Variants in G3BP1 observed in about 807,000 individuals in gnomAD.
The protein encoded by G3BP1 is G3BP stress granule assembly factor 1.
In G3BP1, 35 loss-of-function variants were observed where a neutral mutation model predicts 58.6. The ratio of observed to expected loss-of-function variants is 0.60; its 90% CI spans 0.46 to 0.79. The LOEUF (loss-of-function observed/expected upper bound fraction) is 0.79, where lower values mean the gene tolerates loss of function less well. G3BP1 is among the 30% of genes least tolerant of loss of function. G3BP1 has a pLI of 0.00. For missense variants in G3BP1, 523 were observed against 580.8 expected, an observed-to-expected ratio of 0.90 and a Z score of 1.02; for synonymous variants, 191 against 195.4, an observed-to-expected ratio of 0.98 and a Z score of 0.19.
intron 6 of G3BP1, 123 bp downstream of exon 6, chr5:151,795,698 A>G (rs1278080127): frequency 3.6e-6 from 2 of 553,958 alleles, no homozygotes; most frequent in African/African-American, 1.9e-5. Context: ...TCTCAGAAGA[A>G]TGGTTTTGTT....
chr5:151,793,348 A>G (rs1271554818), intron 4 of G3BP1, among the ~76,000 whole-genome samples: 1 of 152,042 alleles, frequency 6.6e-6, no homozygotes, highest in African/African-American at 2.4e-5. Context: ...ACCTTAGGTG[A>G]TCTGCCTGCC....
At position 151,807,817 on chromosome 5, in the gene G3BP1, A is replaced by G. The variant is rs1762960248; in HGVS notation, c.*3726A>G. On this transcript the variant is annotated 3_prime_UTR_variant, in exon 12 of 12. Transcript: ENST00000356245. ...CAGGTAACCTTTTTGAAGAGCTTAGATTTGTAGACCACTGTTTATGCTGAG... is the reference window on the plus strand; with the variant it reads ...CAGGTAACCTTTTTGAAGAGCTTAGGTTTGTAGACCACTGTTTATGCTGAG... 1 of 152,192 alleles carries G rather than the reference A, an allele frequency of 6.6e-6. No homozygotes were observed. Among genetic ancestry groups the G allele is most frequent in the East Asian group, 1.9e-4 (1 of 5,194 alleles). The allele number at this position is 152,192 out of a possible 1,614,324, so 9.4% of individuals were successfully genotyped here. A position where few individuals can be genotyped will look rare whatever the true frequency, so the allele number is the denominator to read the frequency against.
chr5:151,795,577 TAAG>T lies in G3BP1; in HGVS notation c.539+7_539+9del, dbSNP rs1762735634. On this transcript the variant is annotated splice_donor_5th_base_variant and intron_variant, in intron 6 of 11. Transcript: ENST00000356245. ...TTTCTATGATCAGGCAGTTGTCAGGTAAGAAGATTTTGTTCACATGTCCGGGGC... is the reference window on the plus strand; with the variant it reads ...TTTCTATGATCAGGCAGTTGTCAGGTAAGATTTTGTTCACATGTCCGGGGC... 7 of 1,538,640 alleles carry T rather than the reference TAAG, an allele frequency of 4.5e-6. No individual in the cohort carries two copies. The highest frequency in any genetic ancestry group is 5.4e-6 in the Non-Finnish European group (6 of 1,112,694).
intron 7 of G3BP1, among the ~76,000 whole-genome samples, chr5:151,798,250 T>G (rs1229854287): frequency 6.6e-6 from 1 of 152,114 alleles, no homozygotes; most frequent in Non-Finnish European, 1.5e-5. Context: ...CTTGGGAGGC[T>G]GAGGTAGGAG....
At chr5:151,779,025 G>A (rs1301300777) in intron 1 of G3BP1, among the ~76,000 whole-genome samples, 3 of 151,840 alleles carry the variant, frequency 2.0e-5, no homozygotes, top group Non-Finnish European at 2.9e-5. Flanking sequence ...TCCAGCCTGG[G>A]CGACAGTGGA....
At position 151,791,774 on chromosome 5, in the gene G3BP1, A is replaced by G. The variant is rs565686966; in HGVS notation, c.351+712A>G. ...TGGTTTCAGGCTGTCCTCCTGACTC[A>G]GCCTCCCGAGTAGCTGGGACTATAG... On this transcript the variant is annotated intron_variant, in intron 4 of 11. Coordinates refer to ENST00000356245, the MANE Select transcript of G3BP1 (RefSeq NM_005754.3). The G allele has an allele frequency of 5.7e-5, 11 of 194,584 alleles. No homozygotes were observed. In the South Asian group the frequency reaches 9.0e-4, roughly 16 times the overall value. The allele number at this position is 194,584 out of a possible 1,614,324, so 12.1% of individuals were successfully genotyped here.
rs1243528417 is a variant in G3BP1 at position 151,807,920 on chromosome 5, T to C, written c.*3829T>C. ...TATTGCAGTTTTCTTTTTGTGCTAC[T>C]TAAAGGAATCTTTGCAATGCTGCAT... is the stretch of plus-strand genomic sequence containing the variant. On this transcript the variant is annotated 3_prime_UTR_variant, in exon 12 of 12. Transcript: ENST00000356245. The C allele has an allele frequency of 6.6e-6, 1 of 152,240 alleles. No individual in the cohort carries two copies. The highest frequency in any genetic ancestry group is 1.5e-5 in the Non-Finnish European group (1 of 68,034). The allele number at this position is 152,240 out of a possible 1,614,324, so 9.4% of individuals were successfully genotyped here. A position where few individuals can be genotyped will look rare whatever the true frequency, so the allele number is the denominator to read the frequency against.
intron 3 of G3BP1, 85 bp from the exon 4 acceptor site, chr5:151,790,804 T>C: frequency 1.3e-6 from 1 of 746,460 alleles, no homozygotes; most frequent in Non-Finnish European, 2.2e-6. Flanking sequence ...CTTTGTGTTG[T>C]GTTGGAAGGT....
intron 1 of G3BP1, among the ~76,000 whole-genome samples, chr5:151,782,169 G>A (rs187012242): frequency 6.6e-6 from 1 of 152,134 alleles, no homozygotes; most frequent in East Asian, 1.9e-4. Context: ...TTACTGTTAG[G>A]CACTTAATTG....
chr5:151,790,192 C>T, intron 2 of G3BP1, 131 bp from the exon 3 acceptor site: 1 of 467,386 alleles, frequency 2.1e-6, no homozygotes, highest in Non-Finnish European at 3.9e-6. Context: ...GATTGCATCA[C>T]TGCACTCCAG....
At chr5:151,787,598 T>C (rs1762573173) in intron 2 of G3BP1, among the ~76,000 whole-genome samples, 1 of 152,356 alleles carries the variant, frequency 6.6e-6, no homozygotes, top group Admixed American at 6.5e-5. Context: ...TGTAGTGTAC[T>C]TTAATCTCCT....
intron 4 of G3BP1, among the ~76,000 whole-genome samples, chr5:151,792,499 TAC>T (rs1256377003): frequency 1.3e-5 from 2 of 152,214 alleles, no homozygotes; most frequent in Non-Finnish European, 2.9e-5. Flanking sequence ...CAGGTTTAAT[TAC>T]AGTTTTTTTC....
Position 151,811,693 on chromosome 5 carries a change from G to A in G3BP1, c.*7602G>A, listed in dbSNP as rs1763021254. 1 of 152,026 alleles carries A rather than the reference G, an allele frequency of 6.6e-6. No individual in the cohort carries two copies. The highest frequency in any genetic ancestry group is 1.5e-5 in the Non-Finnish European group (1 of 68,004). 9.4% of individuals were successfully genotyped at this position (152,026 alleles called of 1,614,324 possible). ...TTGTGACTTCATGCAAAAAAAGGGG[G>A]GAAGAGTAAGGGGCAAAAGGGAATT... On this transcript the variant is annotated 3_prime_UTR_variant, in exon 12 of 12. Transcript: ENST00000356245.
At chr5:151,790,251 G>C in intron 2 of G3BP1, 72 bp from the exon 3 acceptor site, 1 of 683,618 alleles carries the variant, frequency 1.5e-6, no homozygotes. Context: ...AAAAAAGTTT[G>C]CCAGTATCAG....
chr5:151,787,500 A>G (rs1400145679), intron 2 of G3BP1: 1 of 152,306 alleles, frequency 6.6e-6, no homozygotes, highest in African/African-American at 2.4e-5. Context: ...ATACTGTCTT[A>G]ACTTTCTTAC....
intron 1 of G3BP1, among the ~76,000 whole-genome samples, chr5:151,776,088 C>T (rs1386355027): frequency 1.3e-5 from 2 of 152,174 alleles, no homozygotes; most frequent in Non-Finnish European, 2.9e-5. Flanking sequence ...CAAGATGCCA[C>T]ATTGTATGTA....
chr5:151,800,890 ATTTTTTT>A (rs200261823), intron 11 of G3BP1, 21 bp downstream of exon 11: 1 of 836,580 alleles, frequency 1.2e-6, no homozygotes, highest in Non-Finnish European at 1.9e-6. Context: ...TTTTGTCTTG[ATTTTTTT>A]TTTTTTTTTT....
At chr5:151,795,607 G>C in intron 6 of G3BP1, 32 bp downstream of exon 6, 1 of 1,073,376 alleles carries the variant, frequency 9.3e-7, no homozygotes, top group Non-Finnish European at 1.4e-6. Context: ...GTCCGGGGCT[G>C]CATAAGAACT....
intron 1 of G3BP1, among the ~76,000 whole-genome samples, chr5:151,785,888 C>T (rs1046041889): frequency 6.6e-6 from 1 of 152,000 alleles, no homozygotes; most frequent in Non-Finnish European, 1.5e-5. Context: ...ATAGTTTGTC[C>T]CCGGATGTCA....
Sources: gnomAD v4.1 joint callset for allele counts (sites outside exome capture counted in the v4.1 genomes callset) on GRCh38, gnomAD v4.1.1 for gene constraint, MANE v1.5 for transcripts, NCBI Gene and HGNC (gene_info 2026-07-23, HGNC 2026-07-21) for gene names.